Variants in KLHL14 observed in about 807,000 individuals in gnomAD.
KLHL14 encodes kelch-like protein 14.
KLHL14 carries 22 observed loss-of-function variants against 64.3 expected under a neutral mutation model. The observed-to-expected ratio is 0.34, with a 90% CI of 0.24 to 0.49. The LOEUF (loss-of-function observed/expected upper bound fraction) is 0.49. KLHL14 is among the 20% of genes least tolerant of loss of function. The pLI is 0.99. For synonymous variants in KLHL14, 322 were observed against 333.4 expected, an observed-to-expected ratio of 0.97 and a Z score of 0.37; for missense variants, 661 against 789.0, an observed-to-expected ratio of 0.84 and a Z score of 1.94.
chr18:32,752,084 G>C (rs1264630583), intron 2 of KLHL14, among the ~76,000 whole-genome samples: 1 of 152,088 alleles, frequency 6.6e-6, no homozygotes, highest in Non-Finnish European at 1.5e-5. Flanking sequence ...CTGAGGACAC[G>C]TCACTGCACT....
chr18:32,677,455 T>C (rs1361768480), intron 7 of KLHL14, 125 bp from the exon 8 acceptor site: 1 of 858,970 alleles, frequency 1.2e-6, no homozygotes, highest in Non-Finnish European at 1.8e-6. Context: ...AAGACACAAA[T>C]GCATAAATTC....
intron 7 of KLHL14, 85 bp from the exon 8 acceptor site, chr18:32,677,415 C>T (rs2049817081): frequency 8.1e-6 from 10 of 1,234,170 alleles, no homozygotes; most frequent in Non-Finnish European, 1.1e-5. Context: ...AAAAACAAGT[C>T]TCAAGCCAAA....
At chr18:32,693,285 T>C (rs2049917757) in intron 4 of KLHL14, among the ~76,000 whole-genome samples, 1 of 151,858 alleles carries the variant, frequency 6.6e-6, no homozygotes, top group Admixed American at 6.6e-5. Flanking sequence ...TTTGCCCAGA[T>C]CTATACTAAA....
intron 3 of KLHL14, among the ~76,000 whole-genome samples, chr18:32,741,168 C>T (rs2144529742): frequency 6.6e-6 from 1 of 152,164 alleles, no homozygotes; most frequent in South Asian, 2.1e-4. Flanking sequence ...TTTTATTGAC[C>T]AGTGCAGCCA....
At chr18:32,705,174 A>C (rs1000474599) in intron 3 of KLHL14, among the ~76,000 whole-genome samples, 1 of 152,218 alleles carries the variant, frequency 6.6e-6, no homozygotes, top group African/African-American at 2.4e-5. Flanking sequence ...TTAGAATTAG[A>C]TCAATGTCTG....
In KLHL14 at chr18:32,770,397, G is replaced by T. The variant is rs778112369; in HGVS notation, c.195C>A (p.His65Gln). The T allele has an allele frequency of 1.1e-5, 18 of 1,598,300 alleles. No individual in the cohort carries two copies. Among genetic ancestry groups the T allele is most frequent in the Non-Finnish European group, 1.5e-5 (17 of 1,171,218 alleles). Residue 65 changes from histidine (H) to glutamine (Q), a missense_variant, in exon 2 of 9, where the codon CAC becomes CAA. This residue lies in a region of KLHL14 where 331 missense variants were observed against 339.0 expected (regional missense o/e 0.98). Transcript: ENST00000359358. The surrounding 1 kb of genome is among the most constrained non-coding windows in gnomAD (Gnocchi z 6.7). Reference protein sequence around the residue: ...SQYFRSLFSSHPPLGGGVGGQ... With the variant: ...SQYFRSLFSSQPPLGGGVGGQ... ...CGCCGACCCCTCCCCCGAGAGGGGG[G>T]TGGCTGGAGAAGAGCGATCGGAAGT...
intron 4 of KLHL14, among the ~76,000 whole-genome samples, chr18:32,688,169 A>T (rs1445103173): frequency 1.3e-5 from 2 of 152,212 alleles, no homozygotes; most frequent in East Asian, 3.8e-4. Context: ...CATCTAGAGG[A>T]CTTGAAGCCT....
At chr18:32,704,855 GC>G (rs2049982679) in intron 3 of KLHL14, among the ~76,000 whole-genome samples, 1 of 152,176 alleles carries the variant, frequency 6.6e-6, no homozygotes, top group Non-Finnish European at 1.5e-5. Context: ...TCATCCCAGA[GC>G]CCACTGTGTA....
chr18:32,711,234 C>A (rs533300586), intron 3 of KLHL14, among the ~76,000 whole-genome samples: 41 of 151,880 alleles, frequency 2.7e-4, no homozygotes, highest in African/African-American at 8.7e-4. Flanking sequence ...AGCTAAGAGG[C>A]AAAGAAAATG....
At chr18:32,686,572 T>G (rs1438859967) in intron 5 of KLHL14, among the ~76,000 whole-genome samples, 1 of 151,996 alleles carries the variant, frequency 6.6e-6, no homozygotes, top group Non-Finnish European at 1.5e-5. Context: ...GCAAGACTAA[T>G]TTTTTTTAAA....
intron 3 of KLHL14, among the ~76,000 whole-genome samples, chr18:32,726,675 C>T (rs2050109981): frequency 1.3e-5 from 2 of 151,606 alleles, no homozygotes; most frequent in South Asian, 4.2e-4. Context: ...AAATATTTTT[C>T]TCAAAAGAAA....
At chr18:32,681,548 T>C (rs1389379774) in intron 5 of KLHL14, among the ~76,000 whole-genome samples, 2 of 152,046 alleles carry the variant, frequency 1.3e-5, no homozygotes, top group Admixed American at 6.6e-5. Flanking sequence ...AAGCAAGCCT[T>C]TGACTCTTTG....
chr18:32,707,903 C>A (rs770263844), intron 3 of KLHL14, among the ~76,000 whole-genome samples: 8 of 152,212 alleles, frequency 5.3e-5, no homozygotes, highest in South Asian at 2.1e-4. Context: ...AGTCACTGAA[C>A]CTGGGGGTGG....
intron 2 of KLHL14, chr18:32,744,022 C>T (rs1481455383): frequency 6.6e-6 from 1 of 152,150 alleles, no homozygotes; most frequent in Non-Finnish European, 1.5e-5. Context: ...CTGTGACTGT[C>T]CTAACATCAC....
intron 7 of KLHL14, among the ~76,000 whole-genome samples, chr18:32,677,750 C>T (rs1240899579): frequency 6.6e-6 from 1 of 152,122 alleles, no homozygotes; most frequent in Non-Finnish European, 1.5e-5. Context: ...ATGAGATAGT[C>T]CCTGTCCTCA....
Position 32,680,260 on chromosome 18 carries a change from A to G in KLHL14, c.1497T>C (p.Ala499=). 1 of 1,613,914 alleles carries G rather than the reference A, an allele frequency of 6.2e-7. No homozygotes were observed. Among genetic ancestry groups the G allele is most frequent in the South Asian group, 1.1e-5 (1 of 91,082 alleles). Residue 499 remains alanine (A), a synonymous_variant, in exon 7 of 9, where the codon GCT becomes GCC. Coordinates refer to ENST00000359358, the MANE Select transcript of KLHL14 (RefSeq NM_020805.3). This position sits in a 1 kb window ranked among gnomAD's most constrained non-coding sequence, Gnocchi z 4.8. ...GTTTTGTGTTCATATCTTGTTTTCG[A>G]GCCCAGACATCCATTACTGGGTCAT... ...YCYDPVMDVW[A]RKQDMNTKRA...
intron 4 of KLHL14, among the ~76,000 whole-genome samples, chr18:32,689,929 G>A (rs1426427653): frequency 6.6e-6 from 1 of 152,166 alleles, no homozygotes; most frequent in Non-Finnish European, 1.5e-5. Context: ...TACCTTGGAG[G>A]GTAGAAAGGC....
chr18:32,710,478 G>A (rs963672628), intron 3 of KLHL14, among the ~76,000 whole-genome samples: 2 of 152,150 alleles, frequency 1.3e-5, no homozygotes, highest in African/African-American at 4.8e-5. Context: ...ACTGACATTT[G>A]CATGAGAAGG....
intron 2 of KLHL14, among the ~76,000 whole-genome samples, chr18:32,760,067 G>A (rs1201464408): frequency 6.6e-6 from 1 of 152,078 alleles, no homozygotes; most frequent in Non-Finnish European, 1.5e-5. Flanking sequence ...TTGGTTTTGA[G>A]GGGTGCTCAA....
Sources: gnomAD v4.1 joint callset for allele counts (sites outside exome capture counted in the v4.1 genomes callset) on GRCh38, gnomAD v4.1.1 for gene constraint, gnomAD v4.1.1 regional missense constraint, Gnocchi (gnomAD v3.1) non-coding constraint, MANE v1.5 for transcripts, NCBI Gene and HGNC (gene_info 2026-07-23, HGNC 2026-07-21) for gene names.